Variants in ZSWIM4 observed in about 807,000 individuals in gnomAD.
The protein encoded by ZSWIM4 is zinc finger SWIM-type containing 4.
Under a neutral mutation model 102.5 loss-of-function variants are expected in ZSWIM4, and 62 were observed. That is an observed-to-expected ratio of 0.60 (90% CI 0.49 to 0.75). The LOEUF (loss-of-function observed/expected upper bound fraction) is 0.75, where lower values mean the gene tolerates loss of function less well. Among genes scored for constraint, ZSWIM4 ranks in the 30% least tolerant of loss-of-function variants. The pLI is 0.00. For synonymous variants in ZSWIM4, 652 were observed against 674.5 expected (o/e 0.97, Z 0.52); for missense variants, 1,280 against 1,529.6 (o/e 0.84, Z 2.72).
rs961706682 is a variant in ZSWIM4, at chr19:13,809,981, C to G, written c.1012+761C>G. ...TGACATATTTTTGTTTGTTTGTTTTCTTTTCTTTTCTTTTTTTTTTTTTGA... is the reference window on the plus strand; with the variant it reads ...TGACATATTTTTGTTTGTTTGTTTTGTTTTCTTTTCTTTTTTTTTTTTTGA... On this transcript the variant is annotated intron_variant, in intron 5 of 13. Coordinates refer to ENST00000590508, the MANE Select transcript of ZSWIM4 (RefSeq NM_001367834.3). The surrounding 1 kb of genome is among the most constrained non-coding windows in gnomAD (Gnocchi z 4.2). 4.1e-5 allele frequency among the ~76,000 whole-genome samples: 6 copies of G among 147,398 alleles called. No homozygotes were observed. Among genetic ancestry groups the G allele is most frequent in the Non-Finnish European group, 7.4e-5 (5 of 67,332 alleles).
chr19:13,812,606 C>G (rs941211109), intron 5 of ZSWIM4, among the ~76,000 whole-genome samples: 1 of 151,496 alleles, frequency 6.6e-6, no homozygotes, highest in African/African-American at 2.4e-5. Context: ...ATTACAGGCA[C>G]CCACAATCAT....
rs533647295 is a variant in ZSWIM4 at position 13,824,332 on chromosome 19, C to T, written c.2215+832C>T. Reference sequence around the variant, plus strand: ...ATCCCAGCACTTTGGGAGGCTGAGGCGGGCAAATCACTTGAGGCCAGGAGT... The same window carrying T: ...ATCCCAGCACTTTGGGAGGCTGAGGTGGGCAAATCACTTGAGGCCAGGAGT... On this transcript the variant is annotated intron_variant, in intron 11 of 13. Coordinates refer to ENST00000590508, the MANE Select transcript of ZSWIM4 (RefSeq NM_001367834.3). 6.2e-4 allele frequency among the ~76,000 whole-genome samples: 94 copies of T among 152,214 alleles called. 2 individuals are homozygous for T. The highest frequency in any genetic ancestry group is 1.2e-3 in the South Asian group (6 of 4,822).
intron 2 of ZSWIM4, among the ~76,000 whole-genome samples, chr19:13,800,713 C>T (rs940661701): frequency 9.2e-5 from 14 of 152,130 alleles, no homozygotes; most frequent in Admixed American, 6.5e-4. Context: ...AGCCTGTACA[C>T]GATGTTTTGA....
At position 13,828,734 on chromosome 19, in the gene ZSWIM4, C is replaced by G; in HGVS notation, c.2461+8C>G. The G allele has an allele frequency of 6.2e-7, 1 of 1,613,570 alleles. No homozygotes were observed. Among genetic ancestry groups the G allele is most frequent in the African/African-American group, 1.3e-5 (1 of 75,044 alleles). On this transcript the variant is annotated splice_region_variant and intron_variant, in intron 13 of 13. Transcript: ENST00000590508. Reference sequence around the variant, plus strand: ...GCTGTGCCACAGAGATTGGTGAGAGCCCCTAAGGGGACCTGCCACCCACTT... The same window carrying G: ...GCTGTGCCACAGAGATTGGTGAGAGGCCCTAAGGGGACCTGCCACCCACTT...
chr19:13,823,046 G>A (rs551502487), intron 10 of ZSWIM4, among the ~76,000 whole-genome samples: 7 of 152,198 alleles, frequency 4.6e-5, no homozygotes, highest in African/African-American at 1.2e-4. Flanking sequence ...AGCTACTCAG[G>A]AGGCTGAAGT....
rs1974585529 is a variant in ZSWIM4, at chr19:13,795,539, A to T, written c.-110A>T. The T allele has an allele frequency of 4.7e-6, 1 of 211,590 alleles. No homozygotes were observed. The highest frequency in any genetic ancestry group is 1.8e-4 in the South Asian group (1 of 5,442). The allele number at this position is 211,590 out of a possible 1,614,324, so 13.1% of individuals were successfully genotyped here. The stretch of plus-strand genomic sequence containing the variant: ...GGGGTCCCGGGGCGGCCGAGCGCAG[A>T]GGACGGACGGGAAGGAGGGCAGGGG... On this transcript the variant is annotated 5_prime_UTR_variant, in exon 1 of 14. Coordinates refer to ENST00000590508, the MANE Select transcript of ZSWIM4 (RefSeq NM_001367834.3).
chr19:13,798,123 CTTTTCTTTTCTT>C (rs903336949), intron 1 of ZSWIM4, among the ~76,000 whole-genome samples: 7 of 152,156 alleles, frequency 4.6e-5, no homozygotes, highest in African/African-American at 1.2e-4. Flanking sequence ...GCATTCTTTT[CTTTTCTTTTCTT>C]TTTTCTTTTC....
chr19:13,799,571 C>G (rs780241084), intron 1 of ZSWIM4, 149 bp from the exon 2 acceptor site: 3 of 751,140 alleles, frequency 4.0e-6, no homozygotes, highest in Non-Finnish European at 6.6e-6. Flanking sequence ...CCATCGTGCC[C>G]GGCCAGTTTT....
chr19:13,802,041 T>C (rs1974785371), intron 2 of ZSWIM4, among the ~76,000 whole-genome samples: 1 of 146,480 alleles, frequency 6.8e-6, no homozygotes, highest in Non-Finnish European at 1.5e-5. Context: ...AGTGGCACAA[T>C]CTCGGCTTAC....
At chr19:13,804,330 C>T (rs749068108) in intron 2 of ZSWIM4, among the ~76,000 whole-genome samples, 4 of 100,870 alleles carry the variant, frequency 4.0e-5, no homozygotes, top group Non-Finnish European at 5.3e-5. Context: ...ATTAGCCGGG[C>T]ATGGTGGCGC....
At position 13,825,457 on chromosome 19, in the gene ZSWIM4, G is replaced by A. The variant is rs1364584448; in HGVS notation, c.2216-93G>A. ...CCTCCACACTCACACATGTGCCCCT[G>A]GGTGGAAGGATCTGTGTGAACAGGT... On this transcript the variant is annotated intron_variant, in intron 11 of 13. Transcript: ENST00000590508. This position sits in a 1 kb window ranked among gnomAD's most constrained non-coding sequence, Gnocchi z 4.6. The A allele has an allele frequency of 6.9e-7, 1 of 1,453,972 alleles. No individual in the cohort carries two copies. The highest frequency in any genetic ancestry group is 1.4e-5 in the African/African-American group (1 of 71,716). The allele number at this position is 1,453,972 out of a possible 1,614,324, so 90.1% of individuals were successfully genotyped here.
At chr19:13,800,212 C>T (rs1027603799) in intron 2 of ZSWIM4, among the ~76,000 whole-genome samples, 1 of 139,840 alleles carries the variant, frequency 7.2e-6, no homozygotes, top group Non-Finnish European at 1.5e-5. Context: ...TTACAGGCGC[C>T]CGCCACCGCG....
Position 13,809,310 on chromosome 19 carries a change from A to G in ZSWIM4, c.1012+90A>G. The G allele has an allele frequency of 6.8e-7, 1 of 1,473,334 alleles. No individual in the cohort carries two copies. Among genetic ancestry groups the G allele is most frequent in the Non-Finnish European group, 9.0e-7 (1 of 1,113,276 alleles). The allele number at this position is 1,473,334 out of a possible 1,614,324, so 91.3% of individuals were successfully genotyped here. On this transcript the variant is annotated intron_variant, in intron 5 of 13. Transcript: ENST00000590508. The surrounding 1 kb of genome is among the most constrained non-coding windows in gnomAD (Gnocchi z 4.2). ...TCCAAGATTAGGGTCTGTTCCCTGA[A>G]TCCGCCCTCCATTCGTTTGGCAAAC... is the stretch of plus-strand genomic sequence containing the variant.
intron 1 of ZSWIM4, 23 bp downstream of exon 1, chr19:13,795,824 G>T: frequency 8.1e-7 from 1 of 1,229,838 alleles, no homozygotes; most frequent in Non-Finnish European, 1.0e-6. Context: ...GAAGGGGGCG[G>T]GGGCAGGGAC....
chr19:13,801,688 C>T (rs113756178), intron 2 of ZSWIM4, among the ~76,000 whole-genome samples: 2,750 of 53,136 alleles, frequency 0.052, 98 homozygotes, highest in African/African-American at 0.36. Flanking sequence ...TTTTTTTTTT[C>T]CGAGATGGAG....
chr19:13,804,728 G>C, intron 2 of ZSWIM4, 64 bp from the exon 3 acceptor site: 1 of 1,387,692 alleles, frequency 7.2e-7, no homozygotes, highest in South Asian at 1.3e-5. Context: ...GGGTCTTGCT[G>C]TGTACCACAA....
At chr19:13,823,578 C>T (rs1975528245) in intron 11 of ZSWIM4, 78 bp downstream of exon 11, 1 of 1,488,604 alleles carries the variant, frequency 6.7e-7, no homozygotes, top group Admixed American at 2.1e-5. Context: ...AACTTTCCTG[C>T]CTCCTCTTAT....
rs1416214759 is a variant in ZSWIM4 at position 13,814,560 on chromosome 19, C to T, written c.1226C>T (p.Thr409Met). Residue 409 changes from threonine (T) to methionine (M), a missense_variant, in exon 7 of 14, where the codon ACG (threonine) becomes ATG (methionine). Coordinates refer to ENST00000590508, the MANE Select transcript of ZSWIM4 (RefSeq NM_001367834.3). Reference protein sequence around the residue: ...EEVAATSPRHTVFGRALLAGE... With the variant: ...EEVAATSPRHMVFGRALLAGE... Reference sequence around the variant, plus strand: ...GTGGCAGCCACAAGTCCCCGCCACACGGTATTTGGCCGCGCCTTGCTGGCT... The same window carrying T: ...GTGGCAGCCACAAGTCCCCGCCACATGGTATTTGGCCGCGCCTTGCTGGCT... 1.7e-6 allele frequency: 2 copies of T among 1,160,286 alleles called. No individual in the cohort carries two copies. Among genetic ancestry groups the T allele is most frequent in the Non-Finnish European group, 2.2e-6 (2 of 918,954 alleles). The allele number at this position is 1,160,286 out of a possible 1,614,324, so 71.9% of individuals were successfully genotyped here.
In ZSWIM4 at chr19:13,815,391, G is replaced by A. The variant is rs147644724; in HGVS notation, c.1531+526G>A. 4.0e-3 allele frequency: 600 copies of A among 151,136 alleles called. 3 individuals carry two copies. Among genetic ancestry groups the A allele is most frequent in the Middle Eastern group, 0.017 (5 of 294 alleles). The allele number at this position is 151,136 out of a possible 1,614,324, so 9.4% of individuals were successfully genotyped here. On this transcript the variant is annotated intron_variant, in intron 7 of 13. Coordinates refer to ENST00000590508, the MANE Select transcript of ZSWIM4 (RefSeq NM_001367834.3). The stretch of plus-strand genomic sequence containing the variant: ...GACTGGTCTCGAACTCCCAACCTCA[G>A]GTGATCTGCCTGCCTTGGCCTCCCA...
Sources: allele counts gnomAD v4.1 joint callset (sites outside exome capture counted in the v4.1 genomes callset), GRCh38; gene constraint gnomAD v4.1.1; non-coding constraint Gnocchi (gnomAD v3.1); transcripts MANE v1.5; gene names NCBI Gene and HGNC (gene_info 2026-07-23, HGNC 2026-07-21).